B3GALT1: variants seen among roughly 807,000 people sequenced by gnomAD.
B3GALT1 encodes UDP-Gal:betaGlcNAc beta 1,3-galactosyltransferase, polypeptide 1.
Under a neutral mutation model 23.2 loss-of-function variants are expected in B3GALT1, and 10 were observed. The observed-to-expected ratio is 0.43, with a 90% CI of 0.27 to 0.73. B3GALT1 has a LOEUF of 0.73. B3GALT1 is among the 30% of genes least tolerant of loss of function. The pLI is 0.21. For synonymous variants in B3GALT1, 156 were observed against 141.5 expected (o/e 1.10, Z -0.73); for missense variants, 299 against 405.4 (o/e 0.74, Z 2.25).
At chr2:167,868,450 C>G (rs1373174986) in intron 4 of B3GALT1, among the ~76,000 whole-genome samples, 1 of 148,192 alleles carries the variant, frequency 6.7e-6, no homozygotes, top group Non-Finnish European at 1.5e-5. Context: ...GATTTCCTAT[C>G]TTGAAAGAAG....
chr2:167,293,651 A>G lies in B3GALT1; in HGVS notation c.-511+317A>G, dbSNP rs527564187. Among the ~76,000 whole-genome samples the G allele has an allele frequency of 5.8e-4, 89 of 152,208 alleles. No homozygotes were observed. In the South Asian group the frequency reaches 0.017, roughly 29 times the overall value. On this transcript the variant is annotated intron_variant, in intron 1 of 4. Transcript: ENST00000392690. Reference sequence around the variant, plus strand: ...CCCTCTGCGTGGCCCGACGTCCTTCAAGGACCCAAGCTGGGCTGGAGTGAG... The same window carrying G: ...CCCTCTGCGTGGCCCGACGTCCTTCGAGGACCCAAGCTGGGCTGGAGTGAG...
chr2:167,376,686 A>G (rs968191291), intron 1 of B3GALT1, among the ~76,000 whole-genome samples: 3 of 152,044 alleles, frequency 2.0e-5, no homozygotes, highest in African/African-American at 4.8e-5. Context: ...TCGTTGTAAT[A>G]TCACCTTTGT....
At chr2:167,845,636 C>G (rs1689740410) in intron 4 of B3GALT1, among the ~76,000 whole-genome samples, 1 of 152,148 alleles carries the variant, frequency 6.6e-6, no homozygotes, top group African/African-American at 2.4e-5. Context: ...ACAGAGCCTT[C>G]CCAAATGAGA....
intron 1 of B3GALT1, among the ~76,000 whole-genome samples, chr2:167,296,085 C>T (rs926793864): frequency 6.6e-6 from 1 of 152,032 alleles, no homozygotes; most frequent in Non-Finnish European, 1.5e-5. Flanking sequence ...TCAGGGCAGC[C>T]CATGAGCTTA....
chr2:167,802,074 C>T (rs886305808), intron 3 of B3GALT1, among the ~76,000 whole-genome samples: 2 of 152,120 alleles, frequency 1.3e-5, no homozygotes, highest in African/African-American at 4.8e-5. Flanking sequence ...TCTCTCTGCA[C>T]ACATAGGCAG....
Position 167,305,787 on chromosome 2 carries a change from A to G in B3GALT1, c.-511+12453A>G, listed in dbSNP as rs563663099. On this transcript the variant is annotated intron_variant, in intron 1 of 4. Coordinates refer to ENST00000392690, the MANE Select transcript of B3GALT1 (RefSeq NM_020981.4). ...AACTATCTTGACCACAAAGATAGCC[A>G]TGAGAATAAAGAATTTCTGTTAAAT... is the stretch of plus-strand genomic sequence containing the variant. 1.1e-3 allele frequency among the ~76,000 whole-genome samples: 167 copies of G among 152,268 alleles called. 1 individual carries two copies. The highest frequency in any genetic ancestry group is 1.7e-3 in the Non-Finnish European group (114 of 67,990).
intron 1 of B3GALT1, among the ~76,000 whole-genome samples, chr2:167,438,917 A>G (rs1698831971): frequency 2.0e-5 from 3 of 152,170 alleles, no homozygotes; most frequent in Admixed American, 1.3e-4. Context: ...CCCCTCTCCC[A>G]TGGAAGTGTG....
At chr2:167,717,323 G>T (rs112088237) in intron 3 of B3GALT1, among the ~76,000 whole-genome samples, 20,939 of 150,692 alleles carry the variant, frequency 0.14, 2,626 homozygotes, top group Admixed American at 0.31. Flanking sequence ...AAGTTTTAGG[G>T]TACATGTGCA....
chr2:167,546,772 G>T (rs1683644374), intron 2 of B3GALT1, among the ~76,000 whole-genome samples: 2 of 152,080 alleles, frequency 1.3e-5, no homozygotes, highest in Non-Finnish European at 2.9e-5. Context: ...CTTGAACTTT[G>T]TCTCTCACTC....
At chr2:167,417,156 C>T (rs1051433820) in intron 1 of B3GALT1, among the ~76,000 whole-genome samples, 3 of 152,086 alleles carry the variant, frequency 2.0e-5, no homozygotes. Flanking sequence ...TGTTGACACT[C>T]AATCCTCAAT....
intron 3 of B3GALT1, among the ~76,000 whole-genome samples, chr2:167,796,110 A>G (rs1688543051): frequency 6.6e-6 from 1 of 152,228 alleles, no homozygotes; most frequent in Non-Finnish European, 1.5e-5. Flanking sequence ...CTTAATGTCA[A>G]AATAACTTAG....
At chr2:167,404,699 C>G (rs56875650) in intron 1 of B3GALT1, among the ~76,000 whole-genome samples, 15,620 of 152,212 alleles carry the variant, frequency 0.1, 977 homozygotes, top group African/African-American at 0.18. Flanking sequence ...GAAGACATCT[C>G]TATTAACAAG....
At chr2:167,730,656 A>G (rs1394023893) in intron 3 of B3GALT1, among the ~76,000 whole-genome samples, 1 of 152,122 alleles carries the variant, frequency 6.6e-6, no homozygotes, top group Non-Finnish European at 1.5e-5. Context: ...CTTCTTTACT[A>G]ATTCCTGTTT....
chr2:167,625,275 A>G (rs1685321825), intron 2 of B3GALT1, among the ~76,000 whole-genome samples: 1 of 151,964 alleles, frequency 6.6e-6, no homozygotes. Flanking sequence ...AATGCCATAG[A>G]AATAAAAATG....
At chr2:167,858,138 G>C (rs1268929962) in intron 4 of B3GALT1, among the ~76,000 whole-genome samples, 1 of 151,992 alleles carries the variant, frequency 6.6e-6, no homozygotes, top group Non-Finnish European at 1.5e-5. Context: ...AGTTATATTT[G>C]AGAAAAGCAA....
chr2:167,736,098 G>A (rs1209564245), intron 3 of B3GALT1, among the ~76,000 whole-genome samples: 1 of 152,162 alleles, frequency 6.6e-6, no homozygotes, highest in Non-Finnish European at 1.5e-5. Flanking sequence ...CAGAGCTAGT[G>A]GGTAGAAATT....
At position 167,393,813 on chromosome 2, in the gene B3GALT1, T is replaced by A. The variant is rs563624198; in HGVS notation, c.-510-96364T>A. Among the ~76,000 whole-genome samples the A allele has an allele frequency of 2.6e-5, 4 of 152,308 alleles. No homozygotes were observed. In the South Asian group the frequency reaches 6.2e-4, roughly 24 times the overall value. ...GGCAATAAATGGACCTGTACATGCA[T>A]CATGTTTTAAAGCCCTTATCCACTT... is the stretch of plus-strand genomic sequence containing the variant. On this transcript the variant is annotated intron_variant, in intron 1 of 4. Coordinates refer to ENST00000392690, the MANE Select transcript of B3GALT1 (RefSeq NM_020981.4).
chr2:167,741,817 C>G (rs530670942), intron 3 of B3GALT1, among the ~76,000 whole-genome samples: 1 of 152,224 alleles, frequency 6.6e-6, no homozygotes, highest in East Asian at 1.9e-4. Context: ...TGGAGTTGAG[C>G]TATCTAGATT....
intron 3 of B3GALT1, among the ~76,000 whole-genome samples, chr2:167,671,971 T>C (rs1246969127): frequency 6.6e-6 from 1 of 151,890 alleles, no homozygotes; most frequent in East Asian, 1.9e-4. Context: ...ATACAAAGGA[T>C]CATAAAAGAC....
Sources: gnomAD v4.1 joint callset for allele counts (sites outside exome capture counted in the v4.1 genomes callset) on GRCh38, gnomAD v4.1.1 for gene constraint, MANE v1.5 for transcripts, NCBI Gene and HGNC (gene_info 2026-07-23, HGNC 2026-07-21) for gene names.